Variants in ADAMTS3 observed in about 807,000 individuals in gnomAD.
ADAMTS3 encodes A disintegrin and metalloproteinase with thrombospondin motifs 3.
A neutral mutation model predicts 129.0 loss-of-function variants in ADAMTS3; 73 were observed. The observed-to-expected ratio is 0.57, with a 90% CI of 0.47 to 0.69. The LOEUF (loss-of-function observed/expected upper bound fraction) is 0.69. Ranked by LOEUF, ADAMTS3 falls within the 30% of genes least tolerant of loss-of-function variation. The pLI is 0.00. For synonymous variants in ADAMTS3, 477 were observed against 510.8 expected (o/e 0.93, Z 0.89); for missense variants, 1,457 against 1,514.5 (o/e 0.96, Z 0.63).
At chr4:72,408,742 C>T (rs890071446) in intron 4 of ADAMTS3, among the ~76,000 whole-genome samples, 6 of 148,510 alleles carry the variant, frequency 4.0e-5, no homozygotes, top group Non-Finnish European at 7.4e-5. Flanking sequence ...ATGTGGTTAA[C>T]GTGGAATACT....
In ADAMTS3 at chr4:72,568,951, T is replaced by G; in HGVS notation, c.-189A>C. The G allele has an allele frequency of 1.6e-6, 1 of 616,330 alleles. No homozygotes were observed. The highest frequency in any genetic ancestry group is 2.0e-5 in the South Asian group (1 of 49,612). The allele number at this position is 616,330 out of a possible 1,614,324, so 38.2% of individuals were successfully genotyped here. Reference sequence around the variant, plus strand: ...GAGCTCTGAGACTGGCCCCCTCTGCTCTGCAGTTTTTTCCACTTCACCTTC... The same window carrying G: ...GAGCTCTGAGACTGGCCCCCTCTGCGCTGCAGTTTTTTCCACTTCACCTTC... On this transcript the variant is annotated 5_prime_UTR_variant, in exon 1 of 22. Transcript: ENST00000286657.
rs1722095711 is a variant in ADAMTS3 at position 72,569,017 on chromosome 4, G to C, written c.-255C>G. On this transcript the variant is annotated 5_prime_UTR_variant, in exon 1 of 22. Transcript: ENST00000286657. The stretch of plus-strand genomic sequence containing the variant: ...AACACAGAGTGTGCAGGAGCGAGAA[G>C]GTGCTGTAAGCGGGCACAGGCTAAG... 5.5e-6 allele frequency: 3 copies of C among 546,412 alleles called. No individual in the cohort carries two copies. Among genetic ancestry groups the C allele is most frequent in the East Asian group, 6.2e-5 (2 of 32,190 alleles). The allele number at this position is 546,412 out of a possible 1,614,324, so 33.8% of individuals were successfully genotyped here. A position where few individuals can be genotyped will look rare whatever the true frequency, so the allele number is the denominator to read the frequency against.
chr4:72,529,978 A>ATATAATATATTATATTTATATAT (rs372655516), intron 3 of ADAMTS3, among the ~76,000 whole-genome samples: 1 of 6,724 alleles, frequency 1.5e-4, no homozygotes, highest in Non-Finnish European at 2.2e-4. Context: ...TTTATATATA[A>ATATAATATATTATATTTATATAT]ATATAATATA....
At chr4:72,550,016 G>A (rs1721586967) in intron 2 of ADAMTS3, among the ~76,000 whole-genome samples, 1 of 822 alleles carries the variant, frequency 1.2e-3, no homozygotes, top group Non-Finnish European at 3.5e-3. Flanking sequence ...AGAAGAAGAA[G>A]AAGAAGAAGA....
At chr4:72,462,300 A>C (rs1012976288) in intron 3 of ADAMTS3, among the ~76,000 whole-genome samples, 5 of 151,908 alleles carry the variant, frequency 3.3e-5, no homozygotes, top group Non-Finnish European at 5.9e-5. Context: ...GAATATTATA[A>C]ATCTCTTGGA....
intron 4 of ADAMTS3, among the ~76,000 whole-genome samples, chr4:72,362,008 AAG>A (rs1226458656): frequency 5.4e-5 from 1 of 18,690 alleles, no homozygotes; most frequent in Non-Finnish European, 3.2e-4. Flanking sequence ...AAAATTATAT[AAG>A]TTATCTCCTC....
intron 3 of ADAMTS3, among the ~76,000 whole-genome samples, chr4:72,517,130 G>C (rs1720510152): frequency 6.6e-6 from 1 of 152,138 alleles, no homozygotes; most frequent in South Asian, 2.1e-4. Flanking sequence ...TTATATGGTG[G>C]ATTACATTTA....
At chr4:72,521,983 G>C (rs1355519734) in intron 3 of ADAMTS3, among the ~76,000 whole-genome samples, 1 of 152,122 alleles carries the variant, frequency 6.6e-6, no homozygotes, top group African/African-American at 2.4e-5. Flanking sequence ...TGAAAACAGA[G>C]CCGTATATGT....
chr4:72,374,487 T>C (rs1721089687), intron 4 of ADAMTS3, among the ~76,000 whole-genome samples: 1 of 152,200 alleles, frequency 6.6e-6, no homozygotes, highest in African/African-American at 2.4e-5. Context: ...TAATTTTATG[T>C]GGCAAAAGGA....
intron 3 of ADAMTS3, among the ~76,000 whole-genome samples, chr4:72,546,192 C>T (rs1028081833): frequency 2.0e-5 from 3 of 152,098 alleles, no homozygotes; most frequent in African/African-American, 7.2e-5. Context: ...TGATATTAAC[C>T]AGATGTGACT....
chr4:72,562,480 C>T (rs1200297444), intron 2 of ADAMTS3, among the ~76,000 whole-genome samples: 1 of 152,068 alleles, frequency 6.6e-6, no homozygotes, highest in African/African-American at 2.4e-5. Flanking sequence ...AATGATTATA[C>T]AAATTAGAGT....
chr4:72,311,245 T>C, intron 13 of ADAMTS3, 64 bp from the exon 14 acceptor site: 2 of 1,377,192 alleles, frequency 1.5e-6, no homozygotes, highest in Non-Finnish European at 2.0e-6. Flanking sequence ...CAGCATAGTT[T>C]ATTTTATTTT....
At chr4:72,377,931 A>C (rs551388457) in intron 4 of ADAMTS3, among the ~76,000 whole-genome samples, 1 of 152,322 alleles carries the variant, frequency 6.6e-6, no homozygotes, top group Admixed American at 6.5e-5. Context: ...ATTTCTTCAC[A>C]TGCTTTTCCC....
chr4:72,351,505 T>G (rs1720435848), intron 4 of ADAMTS3, among the ~76,000 whole-genome samples: 1 of 150,412 alleles, frequency 6.6e-6, no homozygotes, highest in Non-Finnish European at 1.5e-5. Flanking sequence ...CAACACACAG[T>G]ATCATATGTA....
Position 72,370,905 on chromosome 4 carries a change from A to T in ADAMTS3, c.662-31212T>A, listed in dbSNP as rs1160577814. On this transcript the variant is annotated intron_variant, in intron 4 of 21. Coordinates refer to ENST00000286657, the MANE Select transcript of ADAMTS3 (RefSeq NM_014243.3). ...TACCTGTAATGGTAATGTTATTTGG[A>T]AGTAGTGTCATTACTGATGTACGCA... 6.6e-5 allele frequency among the ~76,000 whole-genome samples: 10 copies of T among 152,212 alleles called. No homozygotes were observed. The East Asian group carries it at 1.9e-3, about 29-fold the overall frequency.
chr4:72,340,764 T>C (rs2109833080), intron 4 of ADAMTS3, among the ~76,000 whole-genome samples: 1 of 152,226 alleles, frequency 6.6e-6, no homozygotes, highest in Non-Finnish European at 1.5e-5. Flanking sequence ...ACTATATTTT[T>C]TGAGAAAAAA....
At chr4:72,299,696 T>C (rs1044769429) in intron 17 of ADAMTS3, among the ~76,000 whole-genome samples, 1 of 152,200 alleles carries the variant, frequency 6.6e-6, no homozygotes, top group African/African-American at 2.4e-5. Context: ...AATATCATGA[T>C]TTTAGTTGTT....
At chr4:72,299,397 G>C (rs2109783011) in intron 17 of ADAMTS3, among the ~76,000 whole-genome samples, 1 of 152,212 alleles carries the variant, frequency 6.6e-6, no homozygotes, top group Admixed American at 6.5e-5. Flanking sequence ...TTAAATGTCA[G>C]CATAGTCTGT....
intron 3 of ADAMTS3, among the ~76,000 whole-genome samples, chr4:72,527,875 A>T (rs534349101): frequency 6.6e-6 from 1 of 152,246 alleles, no homozygotes; most frequent in East Asian, 1.9e-4. Flanking sequence ...CTAGAGGGGG[A>T]TAGGGAGCAG....
Sources: allele counts gnomAD v4.1 joint callset (sites outside exome capture counted in the v4.1 genomes callset), GRCh38; gene constraint gnomAD v4.1.1; transcripts MANE v1.5; gene names NCBI Gene and HGNC (gene_info 2026-07-23, HGNC 2026-07-21).